Variants in WDR7 observed in about 807,000 individuals in gnomAD.
The protein encoded by WDR7 is WD repeat domain 7.
In WDR7, 46 loss-of-function variants were observed where a neutral mutation model predicts 169.4. The ratio of observed to expected loss-of-function variants is 0.27; its 90% confidence interval spans 0.21 to 0.35. WDR7 has a LOEUF of 0.35. Ranked by LOEUF, WDR7 falls within the 10% of genes least tolerant of loss-of-function variation. The probability of loss-of-function intolerance (pLI) is 1.00; values close to 1 mark genes in which losing one functional copy is unlikely to be tolerated. For synonymous variants in WDR7, 612 were observed against 666.8 expected, an observed-to-expected ratio of 0.92 and a Z score of 1.27; for missense variants, 1,534 against 1,859.3, an observed-to-expected ratio of 0.83 and a Z score of 3.22.
At chr18:56,698,699 A>G (rs554776112) in intron 12 of WDR7, among the ~76,000 whole-genome samples, 1 of 152,230 alleles carries the variant, frequency 6.6e-6, no homozygotes, top group South Asian at 2.1e-4. Flanking sequence ...ATAAAATACT[A>G]ATAGACATAT....
chr18:56,665,178 A>G (rs2024990729), intron 1 of WDR7, among the ~76,000 whole-genome samples: 2 of 152,060 alleles, frequency 1.3e-5, no homozygotes, highest in Admixed American at 1.3e-4. Context: ...CTGTAATCCC[A>G]GCTACTCAGG....
intron 19 of WDR7, among the ~76,000 whole-genome samples, chr18:56,795,899 C>A (rs1410473388): frequency 6.6e-6 from 1 of 152,146 alleles, no homozygotes; most frequent in African/African-American, 2.4e-5. Flanking sequence ...CAGTTACATT[C>A]ATTTGTTTCA....
At chr18:56,735,949 G>A (rs1196933704) in intron 14 of WDR7, among the ~76,000 whole-genome samples, 3 of 152,112 alleles carry the variant, frequency 2.0e-5, no homozygotes, top group Non-Finnish European at 4.4e-5. Context: ...TTAATATCAC[G>A]ATCGTAAGTA....
chr18:57,017,297 C>G (rs1356665763), intron 26 of WDR7, among the ~76,000 whole-genome samples: 1 of 152,194 alleles, frequency 6.6e-6, no homozygotes, highest in Non-Finnish European at 1.5e-5. Context: ...ACTGCTTGAG[C>G]GGTGCTTGCT....
intron 14 of WDR7, among the ~76,000 whole-genome samples, chr18:56,740,053 C>T (rs1291985065): frequency 6.6e-6 from 1 of 151,634 alleles, no homozygotes; most frequent in Admixed American, 6.6e-5. Flanking sequence ...CTCCTTTGCC[C>T]GTTTTTAAAA....
intron 2 of WDR7, among the ~76,000 whole-genome samples, chr18:56,676,830 C>T (rs2025254612): frequency 4.8e-5 from 1 of 20,924 alleles, no homozygotes; most frequent in Non-Finnish European, 3.7e-3. Flanking sequence ...GCCACCCCAG[C>T]CTCCAAGTAT....
chr18:56,787,372 A>G (rs2044417785), intron 19 of WDR7, among the ~76,000 whole-genome samples: 2 of 152,214 alleles, frequency 1.3e-5, no homozygotes, highest in South Asian at 4.1e-4. Context: ...CATAAAAGTC[A>G]CTACCATTAT....
intron 20 of WDR7, among the ~76,000 whole-genome samples, chr18:56,859,627 C>T (rs1049982690): frequency 6.6e-6 from 1 of 152,074 alleles, no homozygotes; most frequent in African/African-American, 2.4e-5. Context: ...GCCTTCCCAC[C>T]CATTTTGAAT....
At chr18:56,719,635 A>G (rs2026276014) in intron 13 of WDR7, among the ~76,000 whole-genome samples, 1 of 148,790 alleles carries the variant, frequency 6.7e-6, no homozygotes, top group South Asian at 2.1e-4. Flanking sequence ...GTGTGTCTTT[A>G]TGTTATGTCC....
intron 16 of WDR7, among the ~76,000 whole-genome samples, chr18:56,770,608 T>C (rs1373106611): frequency 6.6e-6 from 1 of 152,222 alleles, no homozygotes; most frequent in Non-Finnish European, 1.5e-5. Context: ...CCAGTGGTGA[T>C]GTACAGGTGA....
In WDR7 at chr18:56,911,121, G is replaced by C. The variant is rs533551041; in HGVS notation, c.3527-12801G>C. On this transcript the variant is annotated intron_variant, in intron 21 of 27. Coordinates refer to ENST00000254442, the MANE Select transcript of WDR7 (RefSeq NM_015285.3). ...GGGCTTGCTGCTGTGGTCAGGCTGG[G>C]AACTACTGGCGAGTTCCCATTAACA... is the stretch of plus-strand genomic sequence containing the variant. Among the ~76,000 whole-genome samples, 5 of 152,216 alleles carry C rather than the reference G, an allele frequency of 3.3e-5. No individual in the cohort carries two copies. In the South Asian group the frequency reaches 1.0e-3, roughly 32 times the overall value.
intron 26 of WDR7, among the ~76,000 whole-genome samples, chr18:57,007,033 G>A (rs1352978539): frequency 6.7e-6 from 1 of 148,938 alleles, no homozygotes; most frequent in Non-Finnish European, 1.5e-5. Flanking sequence ...AGGCTGGAGT[G>A]CAGTGGCCCA....
intron 26 of WDR7, among the ~76,000 whole-genome samples, chr18:57,002,516 C>G (rs1024612841): frequency 3.3e-5 from 5 of 151,928 alleles, no homozygotes; most frequent in Non-Finnish European, 7.4e-5. Flanking sequence ...GCATCCTACA[C>G]CAGAAATTAT....
chr18:57,030,897 G>A (rs76277450), downstream of WDR7: 7 of 142,916 alleles, frequency 4.9e-5, no homozygotes, highest in African/African-American at 7.8e-5. Context: ...AAAAAAAAAG[G>A]ACTACAGAGA....
intron 14 of WDR7, among the ~76,000 whole-genome samples, chr18:56,741,410 T>A (rs149213234): frequency 1.3e-5 from 2 of 152,324 alleles, no homozygotes; most frequent in East Asian, 3.9e-4. Context: ...ACTCTTCTAG[T>A]TTATGATCTT....
intron 26 of WDR7, among the ~76,000 whole-genome samples, chr18:56,974,678 C>G (rs868113441): frequency 2.6e-5 from 4 of 152,182 alleles, no homozygotes; most frequent in Middle Eastern, 6.8e-3. Flanking sequence ...GTTAACCCCA[C>G]GAGTCAGTAA....
At chr18:56,855,812 A>G (rs1055013835) in intron 20 of WDR7, among the ~76,000 whole-genome samples, 2 of 152,156 alleles carry the variant, frequency 1.3e-5, no homozygotes, top group Admixed American at 1.3e-4. Context: ...CATTTTGTAG[A>G]TAAATTAATT....
At chr18:56,994,016 C>CTTTTTT (rs35579782) in intron 26 of WDR7, among the ~76,000 whole-genome samples, 5 of 129,210 alleles carry the variant, frequency 3.9e-5, no homozygotes, top group Non-Finnish European at 4.8e-5. Flanking sequence ...CTTTTTTTTT[C>CTTTTTT]TTTTTTTTTT....
At chr18:56,833,254 C>T (rs1035252505) in intron 20 of WDR7, among the ~76,000 whole-genome samples, 6 of 151,504 alleles carry the variant, frequency 4.0e-5, no homozygotes, top group African/African-American at 1.5e-4. Context: ...TGAAGATCAA[C>T]TTAATGAAAT....
Sources: allele counts gnomAD v4.1 joint callset (sites outside exome capture counted in the v4.1 genomes callset), GRCh38; gene constraint gnomAD v4.1.1; transcripts MANE v1.5; gene names NCBI Gene and HGNC (gene_info 2026-07-23, HGNC 2026-07-21).